The following UBE2W variants were observed in gnomAD, a reference collection of about 807,000 sequenced individuals.
UBE2W encodes ubiquitin-conjugating enzyme E2 W.
A neutral mutation model predicts 27.2 loss-of-function variants in UBE2W; 18 were observed. The observed-to-expected ratio is 0.66, with a 90% CI of 0.46 to 0.98. The LOEUF is 0.98. UBE2W is among the 50% of genes least tolerant of loss of function. UBE2W has a pLI of 0.00. For synonymous variants in UBE2W, 53 were observed against 57.2 expected, an observed-to-expected ratio of 0.93 and a Z score of 0.33; for missense variants, 90 against 180.2, an observed-to-expected ratio of 0.50 and a Z score of 2.87.
At position 73,787,047 on chromosome 8, in the gene UBE2W, A is replaced by G. The variant is rs1807986837; in HGVS notation, c.*7055T>C. ...GACATGAGAAGATATTTCCTACCTT[A>G]GTTGATAAACTTTCCTTATTATTTC... On this transcript the variant is annotated 3_prime_UTR_variant, in exon 6 of 6. Coordinates refer to ENST00000602593, the MANE Select transcript of UBE2W (RefSeq NM_018299.6). The G allele has an allele frequency of 1.0e-6, 1 of 985,340 alleles. No homozygotes were observed. Among genetic ancestry groups the G allele is most frequent in the African/African-American group, 1.7e-5 (1 of 57,254 alleles). 61.0% of individuals were successfully genotyped at this position (985,340 alleles called of 1,614,324 possible).
chr8:73,820,693 GAT>G (rs1015480507), intron 3 of UBE2W, among the ~76,000 whole-genome samples: 9 of 152,090 alleles, frequency 5.9e-5, no homozygotes, highest in Admixed American at 5.9e-4. Flanking sequence ...AGTGAGCAGA[GAT>G]CACACCACTG....
chr8:73,787,508 C>T lies in UBE2W; in HGVS notation c.*6594G>A. On this transcript the variant is annotated 3_prime_UTR_variant, in exon 6 of 6. Transcript: ENST00000602593. ...CTACTAACATAGTTGTGTAGGACGG[C>T]AGGAACAGCTTGAGACATGATCGTT... is the stretch of plus-strand genomic sequence containing the variant. The T allele has an allele frequency of 1.0e-6, 1 of 985,386 alleles. No individual in the cohort carries two copies. The highest frequency in any genetic ancestry group is 1.2e-6 in the Non-Finnish European group (1 of 829,934). The allele number at this position is 985,386 out of a possible 1,614,324, so 61.0% of individuals were successfully genotyped here.
At chr8:73,871,517 T>G (rs1162297414) in intron 1 of UBE2W, among the ~76,000 whole-genome samples, 1 of 152,228 alleles carries the variant, frequency 6.6e-6, no homozygotes. Context: ...GTTCTTTATC[T>G]CTAATGAAGT....
chr8:73,793,517 T>C lies in UBE2W; in HGVS notation c.*585A>G. 1.0e-6 allele frequency: 1 copy of C among 985,860 alleles called. No homozygotes were observed. The highest frequency in any genetic ancestry group is 1.2e-6 in the Non-Finnish European group (1 of 829,910). The allele number at this position is 985,860 out of a possible 1,614,324, so 61.1% of individuals were successfully genotyped here. On this transcript the variant is annotated 3_prime_UTR_variant, in exon 6 of 6. Transcript: ENST00000602593. The stretch of plus-strand genomic sequence containing the variant: ...AAACAATTCAATAAATATGCAATGA[T>C]CTTTCATTACAGTCCTTTAAAGACG...
rs753499720 is a variant in UBE2W, at chr8:73,793,203, T to C, written c.*899A>G. The C allele has an allele frequency of 2.3e-5, 23 of 985,754 alleles. No individual in the cohort carries two copies. The highest frequency in any genetic ancestry group is 2.8e-5 in the Non-Finnish European group (23 of 829,918). The allele number at this position is 985,754 out of a possible 1,614,324, so 61.1% of individuals were successfully genotyped here. ...AGGCAGTAGGGCTCATGCTGATGGC[T>C]AGCAGGAAGTTAACAGAGTGTAACT... On this transcript the variant is annotated 3_prime_UTR_variant, in exon 6 of 6. Coordinates refer to ENST00000602593, the MANE Select transcript of UBE2W (RefSeq NM_018299.6).
intron 4 of UBE2W, among the ~76,000 whole-genome samples, chr8:73,808,026 G>C (rs1470057997): frequency 6.6e-6 from 1 of 152,098 alleles, no homozygotes; most frequent in Non-Finnish European, 1.5e-5. Context: ...TGACATACTG[G>C]ATTTAAATAC....
intron 1 of UBE2W, among the ~76,000 whole-genome samples, chr8:73,856,179 T>C (rs1360116438): frequency 6.6e-6 from 1 of 152,142 alleles, no homozygotes. Flanking sequence ...ATTACCATTT[T>C]GATAACAAAT....
rs1457264014 is a variant in UBE2W at position 73,787,016 on chromosome 8, G to A, written c.*7086C>T. On this transcript the variant is annotated 3_prime_UTR_variant, in exon 6 of 6. Coordinates refer to ENST00000602593, the MANE Select transcript of UBE2W (RefSeq NM_018299.6). ...ACCCACATTAAGTCCCTGAAGGCCA[G>A]ATACAGACATGAGAAGATATTTCCT... The A allele has an allele frequency of 8.1e-6, 8 of 985,318 alleles. No individual in the cohort carries two copies. The highest frequency in any genetic ancestry group is 8.4e-6 in the Non-Finnish European group (7 of 829,942). The allele number at this position is 985,318 out of a possible 1,614,324, so 61.0% of individuals were successfully genotyped here.
Position 73,793,057 on chromosome 8 carries a change from A to G in UBE2W, c.*1045T>C, listed in dbSNP as rs1808267522. On this transcript the variant is annotated 3_prime_UTR_variant, in exon 6 of 6. Coordinates refer to ENST00000602593, the MANE Select transcript of UBE2W (RefSeq NM_018299.6). The stretch of plus-strand genomic sequence containing the variant: ...AAGTAAAGAAAATTTACAAGAAAAA[A>G]CTTAACAAAAGTTTCAATAAAAGTA... 1.0e-6 allele frequency: 1 copy of G among 985,508 alleles called. No individual in the cohort carries two copies. Among genetic ancestry groups the G allele is most frequent in the African/African-American group, 1.7e-5 (1 of 57,248 alleles). 61.0% of individuals were successfully genotyped at this position (985,508 alleles called of 1,614,324 possible).
At chr8:73,824,059 G>A (rs755482580) in intron 3 of UBE2W, among the ~76,000 whole-genome samples, 11 of 152,110 alleles carry the variant, frequency 7.2e-5, no homozygotes, top group Non-Finnish European at 1.6e-4. Flanking sequence ...GAGAGAGCTG[G>A]CATCATGTCT....
chr8:73,831,176 C>T, intron 1 of UBE2W: 1 of 455,942 alleles, frequency 2.2e-6, no homozygotes, highest in Non-Finnish European at 4.1e-6. Flanking sequence ...GCCTCAAGAG[C>T]ACAGCCAAAT....
At chr8:73,782,266 T>C (rs1407935459), downstream of UBE2W, among the ~76,000 whole-genome samples, 1 of 152,058 alleles carries the variant, frequency 6.6e-6, no homozygotes, top group East Asian at 1.9e-4. Context: ...TTTTTTTTAA[T>C]TGAGGTATAA....
rs188793043 is a variant in UBE2W, at chr8:73,793,031, C to T, written c.*1071G>A. On this transcript the variant is annotated 3_prime_UTR_variant, in exon 6 of 6. Transcript: ENST00000602593. Reference sequence around the variant, plus strand: ...GGATTAAAGGACAAGATGATACTCACAAGTAAAGAAAATTTACAAGAAAAA... The same window carrying T: ...GGATTAAAGGACAAGATGATACTCATAAGTAAAGAAAATTTACAAGAAAAA... 1 of 985,346 alleles carries T rather than the reference C, an allele frequency of 1.0e-6. No individual in the cohort carries two copies. The highest frequency in any genetic ancestry group is 1.1e-4 in the East Asian group (1 of 8,816). The allele number at this position is 985,346 out of a possible 1,614,324, so 61.0% of individuals were successfully genotyped here.
chr8:73,875,237 G>A (rs1812168440), intron 1 of UBE2W, among the ~76,000 whole-genome samples: 1 of 152,168 alleles, frequency 6.6e-6, no homozygotes, highest in Admixed American at 6.5e-5. Flanking sequence ...AGGGAGTAGA[G>A]CGTCCCCAGC....
intron 3 of UBE2W, among the ~76,000 whole-genome samples, chr8:73,823,853 A>C (rs1421228394): frequency 1.3e-5 from 2 of 152,200 alleles, no homozygotes; most frequent in African/African-American, 4.8e-5. Context: ...TGATACAATA[A>C]CTGACTTTAT....
intron 1 of UBE2W, among the ~76,000 whole-genome samples, chr8:73,852,978 C>T (rs574987438): frequency 6.6e-6 from 1 of 152,204 alleles, no homozygotes; most frequent in Non-Finnish European, 1.5e-5. Flanking sequence ...TTATGTCCCT[C>T]CAAAATTCAT....
chr8:73,790,744 T>TA lies in UBE2W; in HGVS notation c.*3357dup. On this transcript the variant is annotated 3_prime_UTR_variant, in exon 6 of 6. Transcript: ENST00000602593. ...TGAAAAACAATAGGCTTTTAAAAAATAAGACTTGATTACCAGAAACAAGTA... is the reference window on the plus strand; with the variant it reads ...TGAAAAACAATAGGCTTTTAAAAAATAAAGACTTGATTACCAGAAACAAGTA... The TA allele has an allele frequency of 1.0e-6, 1 of 975,658 alleles. No individual in the cohort carries two copies. Among genetic ancestry groups the TA allele is most frequent in the Non-Finnish European group, 1.2e-6 (1 of 821,104 alleles). The allele number at this position is 975,658 out of a possible 1,614,324, so 60.4% of individuals were successfully genotyped here.
chr8:73,828,816 T>C (rs868108549), intron 2 of UBE2W, among the ~76,000 whole-genome samples: 7 of 152,184 alleles, frequency 4.6e-5, no homozygotes, highest in Admixed American at 1.3e-4. Context: ...CAATAAATTA[T>C]TGTTGACTAT....
At chr8:73,856,031 A>G (rs1457504773) in intron 1 of UBE2W, among the ~76,000 whole-genome samples, 4 of 152,136 alleles carry the variant, frequency 2.6e-5, no homozygotes, top group Non-Finnish European at 5.9e-5. Flanking sequence ...GTACTTTTCT[A>G]TATTACCTTC....
Sources: gnomAD v4.1 joint callset for allele counts (sites outside exome capture counted in the v4.1 genomes callset) on GRCh38, gnomAD v4.1.1 for gene constraint, MANE v1.5 for transcripts, NCBI Gene and HGNC (gene_info 2026-07-23, HGNC 2026-07-21) for gene names.